Variants in FHL2 observed in about 807,000 individuals in gnomAD.
The protein encoded by FHL2 is four and a half LIM domains protein 2.
A neutral mutation model predicts 32.7 loss-of-function variants in FHL2; 20 were observed. The observed-to-expected ratio is 0.61, with a 90% CI of 0.43 to 0.89. The LOEUF is 0.89. FHL2 is among the 40% of genes least tolerant of loss of function. The probability of loss-of-function intolerance (pLI) is 0.00; values close to 1 mark genes in which losing one functional copy is unlikely to be tolerated. For synonymous variants in FHL2, 123 were observed against 128.1 expected, an observed-to-expected ratio of 0.96 and a Z score of 0.27; for missense variants, 311 against 358.6, an observed-to-expected ratio of 0.87 and a Z score of 1.07.
In FHL2 at chr2:105,433,608, C is replaced by A. The variant is rs114765024; in HGVS notation, c.-25+4791G>T. On this transcript the variant is annotated intron_variant, in intron 1 of 5. Transcript: ENST00000393352. ...CTTCCCCTGTACTGCCTCTGTGCCC[C>A]TTTGCCTCTCAGTGCCTCGGCGTCC... Among the ~76,000 whole-genome samples the A allele has an allele frequency of 2.8e-3, 420 of 152,268 alleles. 7 individuals are homozygous for A. The highest frequency in any genetic ancestry group is 9.4e-3 in the African/African-American group (392 of 41,534).
chr2:105,373,656 C>G lies in FHL2; in HGVS notation c.234G>C (p.Lys78Asn). 6.2e-7 allele frequency: 1 copy of G among 1,614,236 alleles called. No homozygotes were observed. Among genetic ancestry groups the G allele is most frequent in the Non-Finnish European group, 8.5e-7 (1 of 1,180,038 alleles). The change falls in exon 4 of 7, where the codon AAG becomes AAC. Residue 78 changes from lysine to asparagine, a missense_variant. Lys to Asn is a moderately conservative substitution (Grantham distance 94). Coordinates refer to ENST00000530340, the MANE Select transcript of FHL2 (RefSeq NM_001318895.3). ...GCTGGTCCTCCTTGGCAGCAAAGGG[C>G]TTGTCCACCAGTGAGTTTCTGCACT... ...CSQCRNSLVDKPFAAKEDQLL... is the reference protein window; with the variant it reads ...CSQCRNSLVDNPFAAKEDQLL...
At chr2:105,381,875 T>C (rs1681920396) in intron 3 of FHL2, among the ~76,000 whole-genome samples, 1 of 152,044 alleles carries the variant, frequency 6.6e-6, no homozygotes, top group Non-Finnish European at 1.5e-5. Context: ...GAGTAGGTGC[T>C]CTTCCCAGAA....
At chr2:105,400,847 C>T (rs1434573937), upstream of FHL2, among the ~76,000 whole-genome samples, 1 of 151,904 alleles carries the variant, frequency 6.6e-6, no homozygotes, top group Non-Finnish European at 1.5e-5. Flanking sequence ...AGAAATTCTG[C>T]AATTTAATTT....
chr2:105,419,938 T>C (rs920780440), intron 1 of FHL2, among the ~76,000 whole-genome samples: 5 of 152,148 alleles, frequency 3.3e-5, no homozygotes, highest in Admixed American at 3.3e-4. Flanking sequence ...TGAACATGCA[T>C]TGTCATTAAG....
intron 4 of FHL2, among the ~76,000 whole-genome samples, chr2:105,368,612 G>A (rs1031024505): frequency 2.6e-5 from 4 of 152,286 alleles, no homozygotes; most frequent in Admixed American, 6.5e-5. Context: ...CAAGTGAACT[G>A]AGGAGCTCTA....
chr2:105,402,094 CGTGT>C (rs1683486849), upstream of FHL2, among the ~76,000 whole-genome samples: 2 of 117,634 alleles, frequency 1.7e-5, no homozygotes, highest in African/African-American at 8.1e-5. Flanking sequence ...TGTATATATA[CGTGT>C]ATATATACAC....
intron 2 of FHL2, chr2:105,389,763 A>G (rs1558706915): frequency 6.6e-6 from 1 of 152,212 alleles, no homozygotes; most frequent in East Asian, 1.9e-4. Flanking sequence ...GGGAAGGGAG[A>G]CAGTCTACAG....
intron 1 of FHL2, among the ~76,000 whole-genome samples, chr2:105,425,667 A>T (rs1263209364): frequency 2.6e-5 from 4 of 151,966 alleles, no homozygotes; most frequent in Admixed American, 6.6e-5. Context: ...TTGCAGTAAT[A>T]CTGCCTTGTT....
intron 1 of FHL2, among the ~76,000 whole-genome samples, chr2:105,409,304 G>T (rs1206680233): frequency 1.3e-5 from 2 of 152,150 alleles, no homozygotes; most frequent in East Asian, 1.9e-4. Context: ...AAGGGCGCTG[G>T]GTGTAATTCA....
At chr2:105,437,241 C>A (rs1684639655) in intron 1 of FHL2, among the ~76,000 whole-genome samples, 1 of 152,170 alleles carries the variant, frequency 6.6e-6, no homozygotes, top group Non-Finnish European at 1.5e-5. Context: ...TAGTCACCTA[C>A]TCAGTTAAAT....
upstream of FHL2, among the ~76,000 whole-genome samples, chr2:105,402,271 G>C (rs1247897837): frequency 6.6e-6 from 1 of 151,440 alleles, no homozygotes; most frequent in Non-Finnish European, 1.5e-5. Context: ...ATTTGAGATG[G>C]AGTCTTGCTC....
chr2:105,381,490 G>A (rs1298103885), intron 3 of FHL2, among the ~76,000 whole-genome samples: 14 of 152,100 alleles, frequency 9.2e-5, no homozygotes, highest in Non-Finnish European at 2.1e-4. Context: ...TGGTTCCGGG[G>A]TCCAGCCTCG....
intron 1 of FHL2, among the ~76,000 whole-genome samples, chr2:105,420,644 G>A (rs1267214666): frequency 3.3e-5 from 5 of 152,112 alleles, no homozygotes; most frequent in Admixed American, 1.3e-4. Flanking sequence ...TAACCTTTTT[G>A]GCACCAGGGA....
At chr2:105,378,680 T>C (rs1452510259) in intron 3 of FHL2, 1 of 155,164 alleles carries the variant, frequency 6.4e-6, no homozygotes, top group African/African-American at 2.4e-5. Context: ...TCAGCCTACC[T>C]TTATGACTGC....
chr2:105,416,150 G>A (rs1208335151), intron 1 of FHL2, among the ~76,000 whole-genome samples: 3 of 152,096 alleles, frequency 2.0e-5, no homozygotes, highest in Non-Finnish European at 2.9e-5. Context: ...ATAAAACTTA[G>A]AAGCTAAAAA....
At chr2:105,427,599 G>T (rs562386640) in intron 1 of FHL2, among the ~76,000 whole-genome samples, 1 of 152,282 alleles carries the variant, frequency 6.6e-6, no homozygotes, top group East Asian at 1.9e-4. Flanking sequence ...TCGAACAGAG[G>T]CCCTTGTGAG....
At chr2:105,400,902 A>G (rs1157664633), upstream of FHL2, among the ~76,000 whole-genome samples, 2 of 151,830 alleles carry the variant, frequency 1.3e-5, no homozygotes, top group Non-Finnish European at 2.9e-5. Flanking sequence ...ATTTTAAATG[A>G]CCCTGTGGTC....
chr2:105,372,951 A>G (rs1558689132), intron 4 of FHL2, among the ~76,000 whole-genome samples: 1 of 152,224 alleles, frequency 6.6e-6, no homozygotes, highest in Non-Finnish European at 1.5e-5. Context: ...AACAAAACAA[A>G]TAACTCCCCC....
chr2:105,368,092 T>C (rs575499881), intron 4 of FHL2, among the ~76,000 whole-genome samples: 1 of 152,360 alleles, frequency 6.6e-6, no homozygotes, highest in East Asian at 1.9e-4. Flanking sequence ...TGAATTCCCA[T>C]GGAGCATGAC....
Sources: gnomAD v4.1 joint callset for allele counts (sites outside exome capture counted in the v4.1 genomes callset) on GRCh38, gnomAD v4.1.1 for gene constraint, MANE v1.5 for transcripts, NCBI Gene and HGNC (gene_info 2026-07-23, HGNC 2026-07-21) for gene names.